SETD1B: variants seen among roughly 807,000 people sequenced by gnomAD.
SETD1B encodes the protein SET domain containing 1B, histone lysine methyltransferase.
SETD1B carries 7 observed loss-of-function variants against 148.0 expected under a neutral mutation model. That is an observed-to-expected ratio of 0.05 (90% CI 0.03 to 0.09). SETD1B has a LOEUF of 0.09. Ranked by LOEUF, SETD1B falls within the 10% of genes least tolerant of loss-of-function variation. SETD1B has a pLI of 1.00. For synonymous variants in SETD1B, 1,361 were observed against 1,186.5 expected (o/e 1.15, Z -3.02); for missense variants, 2,155 against 2,729.9 (o/e 0.79, Z 4.69).
Position 121,830,227 on chromosome 12 carries a change from G to C in SETD1B, c.5889G>C (p.Gly1963=). 1 of 1,550,628 alleles carries C rather than the reference G, an allele frequency of 6.4e-7. No homozygotes were observed. The highest frequency in any genetic ancestry group is 8.7e-7 in the Non-Finnish European group (1 of 1,146,746). ...TCTGTGGCTCCGAGAACTGCCGGGG[G>C]ACCCTCAACTAGGCCCCGGCACCAG... ...PCLCGSENCR[G]TLN Residue 1963 remains glycine, a synonymous_variant, in exon 17 of 17, where the codon GGG becomes GGC. Coordinates refer to ENST00000604567, the MANE Select transcript of SETD1B (RefSeq NM_001353345.2). This position sits in a 1 kb window ranked among gnomAD's most constrained non-coding sequence, Gnocchi z 5.7.
At chr12:121,802,409 G>A (rs1255206811), upstream of SETD1B, 2 of 152,152 alleles carry the variant, frequency 1.3e-5, no homozygotes, top group African/African-American at 2.4e-5. Flanking sequence ...ACAATTTTTT[G>A]TTGCTGCCAT....
chr12:121,818,609 G>T (rs1876411635), intron 10 of SETD1B, among the ~76,000 whole-genome samples: 1 of 151,676 alleles, frequency 6.6e-6, no homozygotes, highest in African/African-American at 2.4e-5. Context: ...AGCAGTTTTT[G>T]GCTGGGCGCA....
Position 121,806,038 on chromosome 12 carries a change from T to C in SETD1B, c.477T>C (p.Asp159=). ...VVFATVRGAK[D]AVQHLHSTSV... ...TTGCCACGGTCCGGGGAGCCAAGGA[T>C]GCCGTTCAGCACTTGCACAGCACTT... The change falls in exon 4 of 17, where the codon GAT becomes GAC. Residue 159 remains aspartate, a synonymous_variant. Coordinates refer to ENST00000604567, the MANE Select transcript of SETD1B (RefSeq NM_001353345.2). 2 of 1,551,688 alleles carry C rather than the reference T, an allele frequency of 1.3e-6. No individual in the cohort carries two copies. Among genetic ancestry groups the C allele is most frequent in the South Asian group, 2.4e-5 (2 of 84,056 alleles).
chr12:121,804,851 G>A lies in SETD1B; in HGVS notation c.114G>A (p.Pro38=), dbSNP rs760682202. ...GAAGTTACAAGTTGATGATTGACCC[G>A]GCTCTGAAAAAGGGGCATCATAAAC... The part of the protein sequence containing the change: ...HWRSYKLMID[P]ALKKGHHKLY... The change falls in exon 2 of 17, where the codon CCG becomes CCA. Residue 38 remains proline (P), a synonymous_variant. Transcript: ENST00000604567. This position sits in a 1 kb window ranked among gnomAD's most constrained non-coding sequence, Gnocchi z 4.6. 13 of 1,549,470 alleles carry A rather than the reference G, an allele frequency of 8.4e-6. No individual in the cohort carries two copies. The East Asian group carries it at 2.7e-4, about 32-fold the overall frequency.
chr12:121,799,593 G>A (rs1240844832), upstream of SETD1B: 1 of 152,242 alleles, frequency 6.6e-6, no homozygotes, highest in Non-Finnish European at 1.5e-5. Flanking sequence ...ACTTGCAAGT[G>A]GATCCTCTCG....
chr12:121,809,742 C>A lies in SETD1B; in HGVS notation c.797C>A (p.Pro266His). Residue 266 changes from proline to histidine, a missense_variant, in exon 6 of 17, where the codon CCC becomes CAC. Coordinates refer to ENST00000604567, the MANE Select transcript of SETD1B (RefSeq NM_001353345.2). Reference sequence around the variant, plus strand: ...TATTCCAGCTGCCGCCTGGACACACCCAACTCCTATGGACAGGGCACCCCG... The same window carrying A: ...TATTCCAGCTGCCGCCTGGACACACACAACTCCTATGGACAGGGCACCCCG... Reference protein sequence around the residue: ...TAYSSCRLDTPNSYGQGTPLT... With the variant: ...TAYSSCRLDTHNSYGQGTPLT... 7.1e-6 allele frequency: 11 copies of A among 1,551,606 alleles called. No homozygotes were observed. Among genetic ancestry groups the A allele is most frequent in the Non-Finnish European group, 9.6e-6 (11 of 1,146,984 alleles).
In SETD1B at chr12:121,830,213, G is replaced by C; in HGVS notation, c.5875G>C (p.Glu1959Gln). 1 of 1,551,086 alleles carries C rather than the reference G, an allele frequency of 6.4e-7. No individual in the cohort carries two copies. Among genetic ancestry groups the C allele is most frequent in the Non-Finnish European group, 8.7e-7 (1 of 1,146,832 alleles). Residue 1959 changes from glutamate to glutamine, a missense_variant, in exon 17 of 17, where the codon GAG (glutamate) becomes CAG (glutamine). Around this residue, in one of 11 missense-constraint regions of SETD1B, gnomAD observed 17 missense variants for 47.8 expected, o/e 0.36. Transcript: ENST00000604567. The surrounding 1 kb of genome is among the most constrained non-coding windows in gnomAD (Gnocchi z 5.7). Reference sequence around the variant, plus strand: ...CAAGATCCCCTGCCTCTGTGGCTCCGAGAACTGCCGGGGGACCCTCAACTA... The same window carrying C: ...CAAGATCCCCTGCCTCTGTGGCTCCCAGAACTGCCGGGGGACCCTCAACTA... ...DVKIPCLCGS[E>Q]NCRGTLN
chr12:121,797,958 A>C, the SETD1B span: 132 of 268,894 alleles, frequency 4.9e-4, no homozygotes, highest in African/African-American at 2.7e-3. Context: ...TGGACCCAGC[A>C]CGGCTCATCG....
At chr12:121,799,718 G>GGGGTGGGGGGGGT (rs1875209487), upstream of SETD1B, 1 of 28,296 alleles carries the variant, frequency 3.5e-5, no homozygotes. Flanking sequence ...GCTCGCAGCT[G>GGGGTGGGGGGGGT]GGGGGGGGGG....
In SETD1B at chr12:121,817,113, G is replaced by T; in HGVS notation, c.2796G>T (p.Leu932=). ...PKPKDRIASC[L]LESWGKGEGL... The stretch of plus-strand genomic sequence containing the variant: ...CCAAGGACCGCATCGCCTCGTGCCT[G>T]CTGGAGTCATGGGGCAAGGGCGAGG... The change falls in exon 8 of 17, where the codon CTG becomes CTT. Residue 932 remains leucine, a synonymous_variant. Transcript: ENST00000604567. The surrounding 1 kb of genome is among the most constrained non-coding windows in gnomAD (Gnocchi z 8.1). The T allele has an allele frequency of 6.5e-7, 1 of 1,549,074 alleles. No homozygotes were observed.
Position 121,808,303 on chromosome 12 carries a change from G to A in SETD1B, c.640G>A (p.Val214Met), listed in dbSNP as rs979570076. 3 of 1,549,468 alleles carry A rather than the reference G, an allele frequency of 1.9e-6. No individual in the cohort carries two copies. Among genetic ancestry groups the A allele is most frequent in the East Asian group, 4.9e-5 (2 of 40,774 alleles). Reference protein sequence around the residue: ...VGELDAVSPIVNETLQLSDAL... With the variant: ...VGELDAVSPIMNETLQLSDAL... Reference sequence around the variant, plus strand: ...CGAGCTGGACGCTGTCTCTCCAATCGTGAATGAGACCCTGCAGGTGGGTTT... The same window carrying A: ...CGAGCTGGACGCTGTCTCTCCAATCATGAATGAGACCCTGCAGGTGGGTTT... Residue 214 changes from valine to methionine, a missense_variant, in exon 5 of 17, where the codon GTG (valine) becomes ATG (methionine). This residue lies in a region of SETD1B where 124 missense variants were observed against 282.9 expected (regional missense o/e 0.44). Coordinates refer to ENST00000604567, the MANE Select transcript of SETD1B (RefSeq NM_001353345.2). The surrounding 1 kb of genome is among the most constrained non-coding windows in gnomAD (Gnocchi z 5.3).
At position 121,823,594 on chromosome 12, in the gene SETD1B, G is replaced by A. The variant is rs959844215; in HGVS notation, c.5015G>A (p.Arg1672His). The change falls in exon 12 of 17, where the codon CGC becomes CAC. Residue 1672 changes from arginine (R) to histidine (H), a missense_variant. Transcript: ENST00000604567. ...CCACCCCAGCCCCTCTTCCGGCCCC[G>A]CTCGGAGTTTGAGGAGATGACCATC... ...LSPPQPLFRP[R>H]SEFEEMTILY... 10 of 1,551,294 alleles carry A rather than the reference G, an allele frequency of 6.4e-6. No homozygotes were observed. The African/African-American group carries it at 6.8e-5, about 11-fold the overall frequency.
upstream of SETD1B, chr12:121,799,564 G>A (rs1285750365): frequency 1.3e-5 from 2 of 152,272 alleles, no homozygotes; most frequent in Non-Finnish European, 2.9e-5. Flanking sequence ...CCCCGCCGAA[G>A]AACACACAAC....
chr12:121,825,488 A>C, intron 13 of SETD1B, 122 bp downstream of exon 13: 2 of 400,954 alleles, frequency 5.0e-6, no homozygotes, highest in Non-Finnish European at 8.8e-6. Flanking sequence ...TGGCACACAG[A>C]GGGTGCAAGT....
At position 121,814,057 on chromosome 12, in the gene SETD1B, C is replaced by T. The variant is rs1216611157; in HGVS notation, c.1891-49C>T. The T allele has an allele frequency of 6.8e-6, 10 of 1,471,038 alleles. No individual in the cohort carries two copies. In the East Asian group the frequency reaches 2.5e-4, roughly 37 times the overall value. The allele number at this position is 1,471,038 out of a possible 1,614,324, so 91.1% of individuals were successfully genotyped here. On this transcript the variant is annotated intron_variant, in intron 6 of 16. Coordinates refer to ENST00000604567, the MANE Select transcript of SETD1B (RefSeq NM_001353345.2). ...TCTTGCAGAGGGGACTCCGAGAGCCCCTTGGCCTTCCAGACTCACCTCACT... is the reference window on the plus strand; with the variant it reads ...TCTTGCAGAGGGGACTCCGAGAGCCTCTTGGCCTTCCAGACTCACCTCACT...
At chr12:121,802,572 C>T (rs1281792206), upstream of SETD1B, 4 of 152,128 alleles carry the variant, frequency 2.6e-5, no homozygotes, top group Admixed American at 6.6e-5. Context: ...ATTAAGACAG[C>T]TCCAAGCTCC....
upstream of SETD1B, chr12:121,799,457 T>A (rs543074229): frequency 6.6e-6 from 1 of 152,332 alleles, no homozygotes; most frequent in South Asian, 2.1e-4. Context: ...TCACCCCACA[T>A]GCCCCACGGG....
chr12:121,799,723 GGGGGGGGT>G (rs1449142616), upstream of SETD1B: 5 of 128,826 alleles, frequency 3.9e-5, 2 homozygotes, highest in Non-Finnish European at 8.6e-5. Context: ...CAGCTGGGGG[GGGGGGGGT>G]GGGGTGGGGC....
chr12:121,796,275 T>TA, the SETD1B span: 1 of 152,734 alleles, frequency 6.5e-6, no homozygotes, highest in Non-Finnish European at 1.5e-5. Context: ...AAAGATTCTT[T>TA]AAGCTGGTTC....
Sources: allele counts gnomAD v4.1 joint callset (sites outside exome capture counted in the v4.1 genomes callset), GRCh38; gene constraint gnomAD v4.1.1; regional missense constraint gnomAD v4.1.1; non-coding constraint Gnocchi (gnomAD v3.1); transcripts MANE v1.5; gene names NCBI Gene and HGNC (gene_info 2026-07-23, HGNC 2026-07-21).